The following INSYN2A variants were observed in gnomAD, a reference collection of about 807,000 sequenced individuals.
INSYN2A encodes the protein family with sequence similarity 196 member A.
Under a neutral mutation model 39.4 loss-of-function variants are expected in INSYN2A, and 17 were observed. The observed-to-expected ratio is 0.43, with a 90% CI of 0.30 to 0.65. The LOEUF (loss-of-function observed/expected upper bound fraction) is 0.65. INSYN2A is among the 30% of genes least tolerant of loss of function. INSYN2A has a pLI of 0.14. For missense variants in INSYN2A, 595 were observed against 631.2 expected (o/e 0.94, Z 0.61); for synonymous variants, 255 against 265.7 (o/e 0.96, Z 0.39).
At chr10:127,168,346 A>G (rs1422874032) in intron 4 of INSYN2A, among the ~76,000 whole-genome samples, 1 of 152,262 alleles carries the variant, frequency 6.6e-6, no homozygotes, top group Non-Finnish European at 1.5e-5. Context: ...TGACATTTCC[A>G]TGCCATTCAA....
At position 127,175,433 on chromosome 10, in the gene INSYN2A, C is replaced by G; in HGVS notation, c.963G>C (p.Gln321His). 2.5e-6 allele frequency: 4 copies of G among 1,612,754 alleles called. No homozygotes were observed. Among genetic ancestry groups the G allele is most frequent in the Non-Finnish European group, 3.4e-6 (4 of 1,180,036 alleles). ...MQCLSPECSEQPSQTHTPPGL... is the reference protein window; with the variant it reads ...MQCLSPECSEHPSQTHTPPGL... ...CCGGCGGGGTGTGAGTCTGCGACGG[C>G]TGCTCACTACATTCGGGGGACAGGC... The change falls in exon 4 of 6, where the codon CAG (glutamine) becomes CAC (histidine). Residue 321 changes from glutamine to histidine, a missense_variant. This residue lies in a region of INSYN2A where 478 missense variants were observed against 467.4 expected (regional missense o/e 1.02). Coordinates refer to ENST00000522781, the MANE Select transcript of INSYN2A (RefSeq NM_001039762.3). This position sits in a 1 kb window ranked among gnomAD's most constrained non-coding sequence, Gnocchi z 6.3.
At chr10:127,139,158 C>G (rs1195652440) in intron 5 of INSYN2A, among the ~76,000 whole-genome samples, 7 of 152,178 alleles carry the variant, frequency 4.6e-5, no homozygotes, top group African/African-American at 1.7e-4. Flanking sequence ...AATGCATGAG[C>G]TCATAACATT....
At position 127,175,904 on chromosome 10, in the gene INSYN2A, C is replaced by G. The variant is rs761300471; in HGVS notation, c.492G>C (p.Ala164=). 3 of 1,614,202 alleles carry G rather than the reference C, an allele frequency of 1.9e-6. No homozygotes were observed. Among genetic ancestry groups the G allele is most frequent in the South Asian group, 2.2e-5 (2 of 91,080 alleles). Residue 164 remains alanine, a synonymous_variant, in exon 4 of 6, where the codon GCG becomes GCC. Coordinates refer to ENST00000522781, the MANE Select transcript of INSYN2A (RefSeq NM_001039762.3). This position sits in a 1 kb window ranked among gnomAD's most constrained non-coding sequence, Gnocchi z 6.3. ...GPMEEARPCG[A]GRVHKTTALV... is the part of the protein sequence containing the mutation. ...AGGCTGTGGTCTTGTGCACCCGCCC[C>G]GCGCCACATGGCCGGGCCTCCTCCA...
intron 2 of INSYN2A, among the ~76,000 whole-genome samples, chr10:127,180,815 T>G (rs1023562351): frequency 2.6e-5 from 4 of 152,088 alleles, no homozygotes; most frequent in Admixed American, 2.6e-4. Context: ...AAACACGAAA[T>G]AATGTTAAGT....
chr10:127,174,859 T>C (rs1229579207), intron 4 of INSYN2A, among the ~76,000 whole-genome samples: 5 of 152,340 alleles, frequency 3.3e-5, no homozygotes, highest in Middle Eastern at 3.4e-3. Context: ...TCTCTTCTTA[T>C]TTAGAATAGA....
chr10:127,189,841 CTT>C (rs994080860), intron 2 of INSYN2A, among the ~76,000 whole-genome samples: 4 of 152,172 alleles, frequency 2.6e-5, no homozygotes, highest in African/African-American at 9.7e-5. Context: ...CAAAAATAAT[CTT>C]TATGCAGCGC....
In INSYN2A at chr10:127,137,897, G is replaced by T; in HGVS notation, c.1380C>A (p.Pro460=). Residue 460 remains proline (P), a synonymous_variant, in exon 6 of 6, where the codon CCC becomes CCA. Transcript: ENST00000522781. Reference sequence around the variant, plus strand: ...TAGATTCAGTTTTGGATTTTTGCTTGGGAGTTGAGGAGTAAGTCTCCTGAG... The same window carrying T: ...TAGATTCAGTTTTGGATTTTTGCTTTGGAGTTGAGGAGTAAGTCTCCTGAG... ...PYSQETYSST[P]KQKSKTESKK... 1 of 1,614,094 alleles carries T rather than the reference G, an allele frequency of 6.2e-7. No homozygotes were observed. The highest frequency in any genetic ancestry group is 1.1e-5 in the South Asian group (1 of 91,072).
intron 5 of INSYN2A, chr10:127,146,036 G>A (rs769442535): frequency 3.9e-6 from 2 of 518,250 alleles, no homozygotes; most frequent in African/African-American, 1.9e-5. Context: ...AATTTCATAC[G>A]ACCCAGCCCT....
chr10:127,165,501 G>T (rs2053993737), intron 4 of INSYN2A, among the ~76,000 whole-genome samples: 1 of 152,146 alleles, frequency 6.6e-6, no homozygotes, highest in African/African-American at 2.4e-5. Context: ...TTGGTTGAAG[G>T]ATGCTCGTTG....
chr10:127,176,313 A>G lies in INSYN2A; in HGVS notation c.83T>C (p.Met28Thr), dbSNP rs773204442. The G allele has an allele frequency of 8.1e-6, 13 of 1,613,918 alleles. No homozygotes were observed. Among genetic ancestry groups the G allele is most frequent in the East Asian group, 2.2e-5 (1 of 44,848 alleles). Residue 28 changes from methionine (M) to threonine (T), a missense_variant, in exon 4 of 6, where the codon ATG becomes ACG. Coordinates refer to ENST00000522781, the MANE Select transcript of INSYN2A (RefSeq NM_001039762.3). This position sits in a 1 kb window ranked among gnomAD's most constrained non-coding sequence, Gnocchi z 4.4. The stretch of plus-strand genomic sequence containing the variant: ...CCGGTTGGGGTCCAGGGCGTATTTC[A>G]TCTCCAGGGCCAGGCAGGCGGCGGG... ...VEPAACLALE[M>T]KYALDPNRQI...
chr10:127,156,738 T>C (rs1232067924), intron 4 of INSYN2A, among the ~76,000 whole-genome samples: 2 of 151,922 alleles, frequency 1.3e-5, no homozygotes, highest in Non-Finnish European at 2.9e-5. Context: ...CCGGCTAATT[T>C]TGTATTTTTA....
At chr10:127,189,470 T>C (rs1219744960) in intron 2 of INSYN2A, among the ~76,000 whole-genome samples, 11 of 152,152 alleles carry the variant, frequency 7.2e-5, no homozygotes, top group Admixed American at 6.5e-4. Context: ...TTTTGCCACA[T>C]GGACAAATGT....
chr10:127,145,880 C>G, intron 5 of INSYN2A: 1 of 417,488 alleles, frequency 2.4e-6, no homozygotes, highest in Non-Finnish European at 4.7e-6. Flanking sequence ...CATCTGGTGT[C>G]ACCAGTGACC....
intron 2 of INSYN2A, among the ~76,000 whole-genome samples, chr10:127,183,829 T>A (rs1281676560): frequency 6.6e-6 from 1 of 152,344 alleles, no homozygotes; most frequent in East Asian, 1.9e-4. Flanking sequence ...AAAATCTACC[T>A]CTTATCAATC....
chr10:127,153,814 C>T, intron 5 of INSYN2A, 38 bp downstream of exon 5: 1 of 1,474,372 alleles, frequency 6.8e-7, no homozygotes, highest in Non-Finnish European at 9.5e-7. Flanking sequence ...ATTTGTCACT[C>T]ATAATAAGAA....
chr10:127,196,210 T>TGCTGGCCCGGCCGGCCCC lies in INSYN2A; in HGVS notation c.-626_-609dup, dbSNP rs1302916004. On this transcript the variant is annotated 5_prime_UTR_variant, in exon 1 of 6. Coordinates refer to ENST00000522781, the MANE Select transcript of INSYN2A (RefSeq NM_001039762.3). ...CCCTCCACCGCTGCCGGCCCGGCCC[T>TGCTGGCCCGGCCGGCCCC]GCTGGCCCGGCCGGCCCCCGCGCCG... 1 of 148,966 alleles carries TGCTGGCCCGGCCGGCCCC rather than the reference T, an allele frequency of 6.7e-6. No homozygotes were observed. The highest frequency in any genetic ancestry group is 1.5e-5 in the Non-Finnish European group (1 of 67,094). 9.2% of individuals were successfully genotyped at this position (148,966 alleles called of 1,614,324 possible). A position where few individuals can be genotyped will look rare whatever the true frequency, so the allele number is the denominator to read the frequency against.
intron 5 of INSYN2A, among the ~76,000 whole-genome samples, chr10:127,149,940 G>A (rs1261276589): frequency 6.6e-6 from 1 of 152,110 alleles, no homozygotes. Flanking sequence ...GCAACTAAGA[G>A]CCAGGCTTTG....
rs1401394452 is a variant in INSYN2A at position 127,175,009 on chromosome 10, A to G, written c.1184+203T>C. On this transcript the variant is annotated intron_variant, in intron 4 of 5. Transcript: ENST00000522781. This position sits in a 1 kb window ranked among gnomAD's most constrained non-coding sequence, Gnocchi z 6.3. Reference sequence around the variant, plus strand: ...AAGGCCAGAAAGATGAACATTAACCAGAAAGCGTATCGTGCAGGATGCAGT... The same window carrying G: ...AAGGCCAGAAAGATGAACATTAACCGGAAAGCGTATCGTGCAGGATGCAGT... Among the ~76,000 whole-genome samples, 1 of 152,232 alleles carries G rather than the reference A, an allele frequency of 6.6e-6. No individual in the cohort carries two copies.
chr10:127,163,025 C>G (rs563208584), intron 4 of INSYN2A, among the ~76,000 whole-genome samples: 1 of 152,180 alleles, frequency 6.6e-6, no homozygotes, highest in Non-Finnish European at 1.5e-5. Context: ...GGTCCGGGCC[C>G]GGCTTCTCTC....
Sources: gnomAD v4.1 joint callset for allele counts (sites outside exome capture counted in the v4.1 genomes callset) on GRCh38, gnomAD v4.1.1 for gene constraint, gnomAD v4.1.1 regional missense constraint, Gnocchi (gnomAD v3.1) non-coding constraint, MANE v1.5 for transcripts, NCBI Gene and HGNC (gene_info 2026-07-23, HGNC 2026-07-21) for gene names.